The following UPF3A variants were observed in gnomAD, a reference collection of about 807,000 sequenced individuals.
UPF3A encodes the protein regulator of nonsense transcripts 3A.
UPF3A carries 42 observed loss-of-function variants against 53.5 expected under a neutral mutation model. That is an observed-to-expected ratio of 0.78 (90% CI 0.61 to 1.01). The LOEUF (loss-of-function observed/expected upper bound fraction) is 1.01. UPF3A is among the 50% of genes least tolerant of loss of function. The probability of loss-of-function intolerance (pLI) is 0.00; values close to 1 mark genes in which losing one functional copy is unlikely to be tolerated. For missense variants in UPF3A, 575 were observed against 598.0 expected (o/e 0.96, Z 0.40); for synonymous variants, 237 against 225.3 (o/e 1.05, Z -0.47).
In UPF3A at chr13:114,286,304, C is replaced by T; in HGVS notation, c.424C>T (p.Leu142=). The T allele has an allele frequency of 1.2e-6, 2 of 1,613,690 alleles. No homozygotes were observed. The highest frequency in any genetic ancestry group is 1.7e-6 in the Non-Finnish European group (2 of 1,179,910). Residue 142 remains leucine, a splice_region_variant and synonymous_variant, in exon 4 of 10, where the codon CTA becomes TTA. Coordinates refer to ENST00000375299, the MANE Select transcript of UPF3A (RefSeq NM_023011.4). ...DGYIFLDSKG[L]EYPAVVEFAP... The stretch of plus-strand genomic sequence containing the variant: ...TGGAACATGTTTCCTGTTAAAAGGC[C>T]TAGAATATCCTGCAGTGGTAGAGTT...
At chr13:114,302,138 G>C in intron 9 of UPF3A, 113 bp downstream of exon 9, 1 of 1,063,040 alleles carries the variant, frequency 9.4e-7, no homozygotes, top group Non-Finnish European at 1.3e-6. Flanking sequence ...AGTGCTTTGA[G>C]CATTTTCAAG....
rs2085276275 is a variant in UPF3A at position 114,291,632 on chromosome 13, A to C, written c.688-2A>C. The C allele has an allele frequency of 2.5e-6, 4 of 1,604,210 alleles. No homozygotes were observed. Among genetic ancestry groups the C allele is most frequent in the Non-Finnish European group, 3.4e-6 (4 of 1,177,786 alleles). ...TATACACACGCTCTTCCATGTCTTT[A>C]GAGAATTCGAGAAGAGAAGCGAGAA... On this transcript the variant is annotated splice_acceptor_variant, in intron 6 of 9. Coordinates refer to ENST00000375299, the MANE Select transcript of UPF3A (RefSeq NM_023011.4). LOFTEE classifies it high-confidence loss of function.
chr13:114,298,467 G>A (rs9525202), intron 7 of UPF3A, among the ~76,000 whole-genome samples: 8,621 of 152,220 alleles, frequency 0.057, 294 homozygotes, highest in Middle Eastern at 0.11. Flanking sequence ...TTGAACCTTG[G>A]AGGCGGAGGC....
At chr13:114,294,440 A>T (rs2085633607) in intron 7 of UPF3A, among the ~76,000 whole-genome samples, 1 of 151,934 alleles carries the variant, frequency 6.6e-6, no homozygotes, top group Non-Finnish European at 1.5e-5. Context: ...TTAAAAAAAA[A>T]TTTGTAGAAG....
At chr13:114,294,773 T>C (rs1305526977) in intron 7 of UPF3A, among the ~76,000 whole-genome samples, 8 of 145,400 alleles carry the variant, frequency 5.5e-5, no homozygotes, top group South Asian at 4.4e-4. Flanking sequence ...TGCAGTGAGC[T>C]GAGATCACGC....
intron 7 of UPF3A, among the ~76,000 whole-genome samples, chr13:114,295,784 T>TCA (rs2085923571): frequency 6.6e-6 from 1 of 152,206 alleles, no homozygotes; most frequent in African/African-American, 2.4e-5. Context: ...CTTGTCTCAT[T>TCA]CACAGCCATT....
rs2086311406 is a variant in UPF3A at position 114,298,822 on chromosome 13, A to G, written c.847-18A>G. The G allele has an allele frequency of 6.5e-7, 1 of 1,538,050 alleles. No homozygotes were observed. Among genetic ancestry groups the G allele is most frequent in the Non-Finnish European group, 8.7e-7 (1 of 1,147,698 alleles). On this transcript the variant is annotated intron_variant, in intron 7 of 9. Coordinates refer to ENST00000375299, the MANE Select transcript of UPF3A (RefSeq NM_023011.4). ...TATGCTCTCAAGGTGATACTTTACT[A>G]ACATTGTAATTTCTCAGCTTCTTAA...
chr13:114,295,615 C>G (rs2085893088), intron 7 of UPF3A, among the ~76,000 whole-genome samples: 1 of 152,248 alleles, frequency 6.6e-6, no homozygotes, highest in Non-Finnish European at 1.5e-5. Flanking sequence ...ATGCTTTACT[C>G]TCCCTTCATG....
Position 114,286,540 on chromosome 13 carries a change from TAG to T in UPF3A, c.544_545del (p.Glu182AsnfsTer14). 2 of 1,613,288 alleles carry T rather than the reference TAG, an allele frequency of 1.2e-6. No homozygotes were observed. The highest frequency in any genetic ancestry group is 8.5e-7 in the Non-Finnish European group (1 of 1,179,782). On this transcript the variant is annotated frameshift_variant, in exon 5 of 10. Transcript: ENST00000375299. LOFTEE classifies it high-confidence loss of function. ...CTAGATCCAGAATATAAGAAGTTTTTAGAAACCTACTGTGTGGAGGAAGAGAA... is the reference window on the plus strand; with the variant it reads ...CTAGATCCAGAATATAAGAAGTTTTTAAACCTACTGTGTGGAGGAAGAGAA...
chr13:114,299,321 GTCTT>G (rs1170605215), intron 8 of UPF3A, among the ~76,000 whole-genome samples: 2 of 152,128 alleles, frequency 1.3e-5, no homozygotes, highest in African/African-American at 4.8e-5. Flanking sequence ...TGTCTTCCCA[GTCTT>G]TCTTTTTGTT....
chr13:114,283,536 A>G (rs1415304024), intron 3 of UPF3A: 3 of 155,082 alleles, frequency 1.9e-5, no homozygotes, highest in Non-Finnish European at 4.2e-5. Flanking sequence ...TGCATGAGAG[A>G]ACTTGATCTT....
chr13:114,293,905 C>G (rs944948131), intron 7 of UPF3A, among the ~76,000 whole-genome samples: 3 of 152,018 alleles, frequency 2.0e-5, no homozygotes, highest in Non-Finnish European at 2.9e-5. Context: ...GTGGATTGCT[C>G]TAGCCCAGGA....
chr13:114,281,610 T>C lies in UPF3A; in HGVS notation c.-30T>C. 1.4e-6 allele frequency: 2 copies of C among 1,403,842 alleles called. No individual in the cohort carries two copies. Among genetic ancestry groups the C allele is most frequent in the Non-Finnish European group, 1.9e-6 (2 of 1,081,076 alleles). 87.0% of individuals were successfully genotyped at this position (1,403,842 alleles called of 1,614,324 possible). ...GCTCTCGCGAGGTTTCGTCGGGGGC[T>C]GGCGGCTGCGGCTCGGCGGAGAGTG... is the stretch of plus-strand genomic sequence containing the variant. On this transcript the variant is annotated 5_prime_UTR_variant, in exon 1 of 10. Transcript: ENST00000375299.
Position 114,282,078 on chromosome 13 carries a change from C to T in UPF3A, c.265C>T (p.Arg89Cys), listed in dbSNP as rs761474818. ...LTKEQLEEQL[R>C]PLPAHDYFEF... is the part of the protein sequence containing the mutation. ...CAAGGAGCAGCTGGAGGAGCAGCTG[C>T]GCCCGCTGCCAGCACACGACTACTT... Residue 89 changes from arginine to cysteine, a missense_variant, in exon 2 of 10, where the codon CGC becomes TGC. Physicochemically the swap from Arg to Cys is radical, Grantham distance 180. Around this residue, in one of 2 missense-constraint regions of UPF3A, gnomAD observed 252 missense variants for 182.7 expected, o/e 1.38. Coordinates refer to ENST00000375299, the MANE Select transcript of UPF3A (RefSeq NM_023011.4). 4.4e-6 allele frequency: 7 copies of T among 1,580,054 alleles called. No homozygotes were observed. Among genetic ancestry groups the T allele is most frequent in the Admixed American group, 1.8e-5 (1 of 55,606 alleles).
intron 8 of UPF3A, among the ~76,000 whole-genome samples, chr13:114,300,784 C>T (rs952436020): frequency 1.6e-4 from 24 of 152,096 alleles, no homozygotes; most frequent in African/African-American, 5.6e-4. Context: ...GGAGATCTGC[C>T]TGCCTTGGTC....
At chr13:114,289,943 A>G (rs1044618924) in intron 5 of UPF3A, among the ~76,000 whole-genome samples, 9 of 152,246 alleles carry the variant, frequency 5.9e-5, no homozygotes, top group Admixed American at 5.2e-4. Flanking sequence ...CTCCCCACAC[A>G]TCCAGGTGGT....
chr13:114,304,867 A>G lies in UPF3A; in HGVS notation c.1381A>G (p.Lys461Glu). Residue 461 changes from lysine to glutamate, a missense_variant, in exon 10 of 10, where the codon AAG becomes GAG. This residue lies in a region of UPF3A where 323 missense variants were observed against 415.2 expected (regional missense o/e 0.78). Coordinates refer to ENST00000375299, the MANE Select transcript of UPF3A (RefSeq NM_023011.4). ...RECGGNRRIC[K>E]AEGSGTGPEK... ...GTGTGGCGGAAACAGGAGGATCTGC[A>G]AGGCAGAAGGTTCGGGGACTGGTCC... is the stretch of plus-strand genomic sequence containing the variant. 1 of 1,613,826 alleles carries G rather than the reference A, an allele frequency of 6.2e-7. No individual in the cohort carries two copies.
Position 114,286,639 on chromosome 13 carries a change from G to T in UPF3A, c.631+10G>T. The T allele has an allele frequency of 1.3e-6, 2 of 1,594,330 alleles. No homozygotes were observed. Among genetic ancestry groups the T allele is most frequent in the Non-Finnish European group, 1.7e-6 (2 of 1,171,256 alleles). Reference sequence around the variant, plus strand: ...ACAAGAGAGCTCATTGGTCTGTTTTGCTCATTTCTTCTCTTTTCTTTATTG... The same window carrying T: ...ACAAGAGAGCTCATTGGTCTGTTTTTCTCATTTCTTCTCTTTTCTTTATTG... On this transcript the variant is annotated intron_variant, in intron 5 of 9. Transcript: ENST00000375299.
chr13:114,282,790 C>T lies in UPF3A; in HGVS notation c.315-47C>T, dbSNP rs758637700. The T allele has an allele frequency of 1.9e-6, 3 of 1,567,994 alleles. No homozygotes were observed. The African/African-American group carries it at 4.1e-5, about 21-fold the overall frequency. On this transcript the variant is annotated intron_variant, in intron 2 of 9. Transcript: ENST00000375299. ...AGGAAAAAGAGGCTAAATTAATGGACTATTGTATTTTTCACTGACCATTTT... is the reference window on the plus strand; with the variant it reads ...AGGAAAAAGAGGCTAAATTAATGGATTATTGTATTTTTCACTGACCATTTT...
Sources: allele counts gnomAD v4.1 joint callset (sites outside exome capture counted in the v4.1 genomes callset), GRCh38; gene constraint gnomAD v4.1.1; regional missense constraint gnomAD v4.1.1; transcripts MANE v1.5; gene names NCBI Gene and HGNC (gene_info 2026-07-23, HGNC 2026-07-21).